The following MAPK10 variants were observed in gnomAD, a reference collection of about 807,000 sequenced individuals.
MAPK10 encodes the protein JNK3 alpha protein kinase.
In MAPK10, 25 loss-of-function variants were observed where a neutral mutation model predicts 59.3. The observed-to-expected ratio is 0.42, with a 90% CI of 0.31 to 0.59. The LOEUF is 0.59. Among genes scored for constraint, MAPK10 ranks in the 20% least tolerant of loss-of-function variants. MAPK10 has a pLI of 0.15. For missense variants in MAPK10, 351 were observed against 568.9 expected (o/e 0.62, Z 3.90); for synonymous variants, 190 against 200.5 (o/e 0.95, Z 0.44).
At chr4:86,212,992 A>G (rs1292977361) in intron 2 of MAPK10, among the ~76,000 whole-genome samples, 1 of 152,210 alleles carries the variant, frequency 6.6e-6, no homozygotes, top group Admixed American at 6.5e-5. Flanking sequence ...AAGATATAAT[A>G]CACTATTTTC....
intron 1 of MAPK10, among the ~76,000 whole-genome samples, chr4:86,406,619 T>G (rs765919401): frequency 6.6e-6 from 1 of 152,180 alleles, no homozygotes; most frequent in African/African-American, 2.4e-5. Flanking sequence ...TAAACAGTTA[T>G]AGCTAACTAT....
intron 2 of MAPK10, among the ~76,000 whole-genome samples, chr4:86,313,476 A>G (rs1341606324): frequency 2.0e-5 from 3 of 152,122 alleles, no homozygotes; most frequent in Middle Eastern, 3.2e-3. Context: ...GTTGAAATCT[A>G]CCTATTCAAC....
chr4:86,131,957 A>T (rs2061081402), intron 4 of MAPK10, among the ~76,000 whole-genome samples: 1 of 152,170 alleles, frequency 6.6e-6, no homozygotes, highest in East Asian at 1.9e-4. Flanking sequence ...ACAAAACTGG[A>T]ACTTAACTCC....
intron 11 of MAPK10, among the ~76,000 whole-genome samples, chr4:86,037,390 G>A (rs953708685): frequency 1.6e-4 from 25 of 152,138 alleles, no homozygotes; most frequent in African/African-American, 6.0e-4. Flanking sequence ...CATTGTGGCA[G>A]GTGCCTGTGT....
intron 1 of MAPK10, among the ~76,000 whole-genome samples, chr4:86,439,145 A>C (rs1473716824): frequency 1.3e-5 from 2 of 152,100 alleles, no homozygotes; most frequent in African/African-American, 4.8e-5. Flanking sequence ...TAAAATTAGC[A>C]CTTTTTGATG....
chr4:86,263,134 G>A (rs1483359245), intron 2 of MAPK10, among the ~76,000 whole-genome samples: 2 of 152,160 alleles, frequency 1.3e-5, no homozygotes, highest in African/African-American at 4.8e-5. Context: ...CATGTCAGGT[G>A]TATGAGTGGT....
intron 1 of MAPK10, among the ~76,000 whole-genome samples, chr4:86,392,615 A>T (rs1439751238): frequency 6.6e-6 from 1 of 152,214 alleles, no homozygotes; most frequent in African/African-American, 2.4e-5. Flanking sequence ...AAGAAAAAAA[A>T]AAGGAGCAGA....
chr4:86,360,467 C>T (rs1361319780), upstream of MAPK10, among the ~76,000 whole-genome samples: 1 of 152,182 alleles, frequency 6.6e-6, no homozygotes, highest in Non-Finnish European at 1.5e-5. Flanking sequence ...ATGGTAATAA[C>T]CTCAGAGGAG....
chr4:86,143,011 A>G (rs1176667686), intron 4 of MAPK10, among the ~76,000 whole-genome samples: 2 of 152,214 alleles, frequency 1.3e-5, no homozygotes, highest in Non-Finnish European at 2.9e-5. Flanking sequence ...TGGGTAATTT[A>G]TAAAGGAAAG....
chr4:86,246,036 T>C (rs990485402), intron 2 of MAPK10, among the ~76,000 whole-genome samples: 1 of 152,232 alleles, frequency 6.6e-6, no homozygotes, highest in South Asian at 2.1e-4. Context: ...TAATCACATG[T>C]TTTTCTATGC....
At position 86,261,974 on chromosome 4, in the gene MAPK10, T is replaced by C. The variant is rs978463379; in HGVS notation, c.-6-67567A>G. ...CTAAGGTTCTTGTCCCATATGCTTC[T>C]AAGCAAATTTGATGCCATGTGTAAT... On this transcript the variant is annotated intron_variant, in intron 2 of 13. Transcript: ENST00000641462. 2.0e-5 allele frequency among the ~76,000 whole-genome samples: 3 copies of C among 152,256 alleles called. No individual in the cohort carries two copies. In the East Asian group the frequency reaches 5.8e-4, roughly 29 times the overall value.
At chr4:86,360,549 G>C (rs1373114976), upstream of MAPK10, among the ~76,000 whole-genome samples, 1 of 152,106 alleles carries the variant, frequency 6.6e-6, no homozygotes, top group Non-Finnish European at 1.5e-5. Flanking sequence ...CTGTTTCCTT[G>C]TTTTTGTAAA....
At chr4:86,307,984 T>C (rs1213424960) in intron 2 of MAPK10, among the ~76,000 whole-genome samples, 1 of 152,084 alleles carries the variant, frequency 6.6e-6, no homozygotes, top group African/African-American at 2.4e-5. Context: ...GCAAGAAACA[T>C]TTTCCCAGAC....
rs1750488328 is a variant in MAPK10, at chr4:86,026,799, T to A, written c.1252+2398A>T. 4 of 152,328 alleles carry A rather than the reference T, an allele frequency of 2.6e-5. No individual in the cohort carries two copies. The South Asian group carries it at 8.3e-4, about 32-fold the overall frequency. 9.4% of individuals were successfully genotyped at this position (152,328 alleles called of 1,614,324 possible). On this transcript the variant is annotated intron_variant, in intron 13 of 13. Transcript: ENST00000641462. ...AAAAAAGCTGACTTTTCAAACTTTT[T>A]TTTAGAATTGCTTTTTCTTTCCAGC...
intron 1 of MAPK10, among the ~76,000 whole-genome samples, chr4:86,425,344 T>C (rs1031122602): frequency 5.3e-5 from 8 of 152,232 alleles, no homozygotes; most frequent in African/African-American, 1.9e-4. Context: ...TGTATTTGTT[T>C]AGCCATTTTA....
intron 1 of MAPK10, among the ~76,000 whole-genome samples, chr4:86,589,371 C>T (rs1205196733): frequency 6.6e-6 from 1 of 152,004 alleles, no homozygotes; most frequent in Non-Finnish European, 1.5e-5. Flanking sequence ...GAAGGCAGCC[C>T]GGTTTTGTCT....
intron 1 of MAPK10, among the ~76,000 whole-genome samples, chr4:86,552,629 T>G (rs968692864): frequency 3.9e-5 from 6 of 152,270 alleles, no homozygotes; most frequent in African/African-American, 1.4e-4. Flanking sequence ...GTGGGTCTCT[T>G]GCATTTCTGC....
intron 2 of MAPK10, among the ~76,000 whole-genome samples, chr4:86,230,618 A>G (rs6829766): frequency 0.046 from 7,033 of 152,278 alleles, 204 homozygotes; most frequent in African/African-American, 0.072. Context: ...TTACCTATAT[A>G]CTAATGAAAT....
rs141981664 is a variant in MAPK10 at position 86,498,198 on chromosome 4, A to G, written c.-263+95712T>C. Reference sequence around the variant, plus strand: ...TCTCAAAAGTGTCTTGGTTTGCACAACAAATTATGTGTCACTTTATGTAAA... The same window carrying G: ...TCTCAAAAGTGTCTTGGTTTGCACAGCAAATTATGTGTCACTTTATGTAAA... On this transcript the variant is annotated intron_variant, in intron 1 of 4. Coordinates refer to the MAPK10 transcript ENST00000502302. Among the ~76,000 whole-genome samples the G allele has an allele frequency of 2.6e-5, 4 of 152,334 alleles. No homozygotes were observed. In the South Asian group the frequency reaches 6.2e-4, roughly 24 times the overall value.
Sources: allele counts gnomAD v4.1 joint callset (sites outside exome capture counted in the v4.1 genomes callset), GRCh38; gene constraint gnomAD v4.1.1; transcripts MANE v1.5; gene names NCBI Gene and HGNC (gene_info 2026-07-23, HGNC 2026-07-21).